The following NFE2 variants were observed in gnomAD, a reference collection of about 807,000 sequenced individuals.
The protein encoded by NFE2 is nuclear factor, erythroid 2, also known as transcription factor NF-E2 45 kDa subunit.
NFE2 carries 13 observed loss-of-function variants against 25.8 expected under a neutral mutation model. The observed-to-expected ratio is 0.50, with a 90% CI of 0.33 to 0.80. NFE2 has a LOEUF of 0.80. Ranked by LOEUF, NFE2 falls within the 30% of genes least tolerant of loss-of-function variation. NFE2 has a pLI of 0.02. For synonymous variants in NFE2, 204 were observed against 200.2 expected (o/e 1.02, Z -0.16); for missense variants, 382 against 478.9 (o/e 0.80, Z 1.89).
intron 1 of NFE2, chr12:54,295,558 A>C (rs1044361927): frequency 3.8e-6 from 1 of 263,480 alleles, no homozygotes; most frequent in Non-Finnish European, 7.4e-6. Flanking sequence ...TTTCCAGGCA[A>C]AATGCCCACT....
rs751624613 is a variant in NFE2, at chr12:54,293,154, G to A, written c.342C>T (p.Gly114=). ...GGTCTTGGAGCGGCTCACTGAGCAGGCCTGAGAGGCTCAGTGGCTTGGAGA... is the reference window on the plus strand; with the variant it reads ...GGTCTTGGAGCGGCTCACTGAGCAGACCTGAGAGGCTCAGTGGCTTGGAGA... The part of the protein sequence containing the change: ...IPVSKPLSLS[G]LLSEPLQDPL... Residue 114 remains glycine (G), a synonymous_variant, in exon 3 of 3, where the codon GGC becomes GGT. Coordinates refer to ENST00000435572, the MANE Select transcript of NFE2 (RefSeq NM_001136023.3). 1 of 1,552,846 alleles carries A rather than the reference G, an allele frequency of 6.4e-7. No homozygotes were observed. The highest frequency in any genetic ancestry group is 8.7e-7 in the Non-Finnish European group (1 of 1,147,122).
At chr12:54,294,581 G>A (rs1028586868) in intron 2 of NFE2, among the ~76,000 whole-genome samples, 2 of 152,160 alleles carry the variant, frequency 1.3e-5, no homozygotes, top group Non-Finnish European at 2.9e-5. Flanking sequence ...GAACATGCTA[G>A]AAACAAGGCC....
In NFE2 at chr12:54,295,223, C is replaced by T. The variant is rs1944360932; in HGVS notation, c.26G>A (p.Ser9Asn). 6.2e-7 allele frequency: 1 copy of T among 1,614,044 alleles called. No individual in the cohort carries two copies. The highest frequency in any genetic ancestry group is 1.3e-5 in the African/African-American group (1 of 74,930). ...GGACAGCTGTATCACCCTGTTCCTGCTCTGCTGGGGAGGACACGGGGACAT... is the reference window on the plus strand; with the variant it reads ...GGACAGCTGTATCACCCTGTTCCTGTTCTGCTGGGGAGGACACGGGGACAT... MSPCPPQQ[S>N]RNRVIQLSTS... The change falls in exon 2 of 3, where the codon AGC becomes AAC. Residue 9 changes from serine (S) to asparagine (N), a missense_variant. Physicochemically the swap from Ser to Asn is conservative, Grantham distance 46. Transcript: ENST00000435572.
intron 1 of NFE2, among the ~76,000 whole-genome samples, chr12:54,298,392 A>G (rs1194723956): frequency 6.6e-6 from 1 of 151,586 alleles, no homozygotes; most frequent in Non-Finnish European, 1.5e-5. Flanking sequence ...CTGTAATCCC[A>G]GCTACTTGGG....
At chr12:54,300,645 G>A (rs1189282010) in intron 1 of NFE2, among the ~76,000 whole-genome samples, 156 bp downstream of exon 1, 1 of 152,084 alleles carries the variant, frequency 6.6e-6, no homozygotes, top group East Asian at 1.9e-4. Flanking sequence ...TCCCAAATAT[G>A]TCAGATTCCT....
chr12:54,293,490 G>A (rs1265720848), intron 2 of NFE2, 109 bp from the exon 3 acceptor site: 1 of 1,248,764 alleles, frequency 8.0e-7, no homozygotes, highest in East Asian at 2.6e-5. Flanking sequence ...GTAGTAACAA[G>A]GAAACAAAGT....
At position 54,293,213 on chromosome 12, in the gene NFE2, G is replaced by A. The variant is rs747433280; in HGVS notation, c.283C>T (p.Pro95Ser). 30 of 1,604,040 alleles carry A rather than the reference G, an allele frequency of 1.9e-5. No individual in the cohort carries two copies. The highest frequency in any genetic ancestry group is 3.3e-4 in the Middle Eastern group (2 of 6,022). ...LPASTSHVPD[P>S]PYSYGNMAIP... is the part of the protein sequence containing the mutation. ...GCCATGTTGCCATAGGAGTATGGGG[G>A]ATCTGGGACATGGGATGTGGATGCT... Residue 95 changes from proline (P) to serine (S), a missense_variant, in exon 3 of 3, where the codon CCC (proline) becomes TCC (serine). Coordinates refer to ENST00000435572, the MANE Select transcript of NFE2 (RefSeq NM_001136023.3).
At chr12:54,298,507 CAAAAAAAAAAAA>C (rs1180692795) in intron 1 of NFE2, among the ~76,000 whole-genome samples, 1 of 35,616 alleles carries the variant, frequency 2.8e-5, no homozygotes, top group Admixed American at 2.9e-4. Flanking sequence ...AACTCCACAT[CAAAAAAAAAAAA>C]AAAAAAAAAA....
intron 1 of NFE2, among the ~76,000 whole-genome samples, chr12:54,299,821 A>C (rs190536574): frequency 6.6e-6 from 1 of 152,214 alleles, no homozygotes; most frequent in Middle Eastern, 3.4e-3. Context: ...CCAGGTGTCA[A>C]TAGGTGCAGT....
chr12:54,299,685 G>A (rs1038252549), intron 1 of NFE2, among the ~76,000 whole-genome samples: 3 of 152,148 alleles, frequency 2.0e-5, no homozygotes, highest in African/African-American at 7.2e-5. Context: ...AGGGATGATG[G>A]AGAGAGGAAT....
At chr12:54,296,847 T>C (rs1944376508) in intron 1 of NFE2, among the ~76,000 whole-genome samples, 1 of 152,128 alleles carries the variant, frequency 6.6e-6, no homozygotes, top group South Asian at 2.1e-4. Flanking sequence ...CTTGGATAGC[T>C]TAGAATTCTC....
In NFE2 at chr12:54,293,375, T is replaced by C. The variant is rs774895077; in HGVS notation, c.121A>G (p.Asn41Asp). The change falls in exon 3 of 3, where the codon AAT becomes GAT. Residue 41 changes from asparagine to aspartate, a missense_variant. By Grantham distance (23) the Asn-to-Asp change is conservative. Coordinates refer to ENST00000435572, the MANE Select transcript of NFE2 (RefSeq NM_001136023.3). ...IMSITELQGL[N>D]APSEPSFEPQ... ...TCAAATGATGGCTCACTTGGAGCAT[T>C]CAGACCCTGCAAGGAAAGACACAAA... is the stretch of plus-strand genomic sequence containing the variant. The C allele has an allele frequency of 6.7e-7, 1 of 1,496,382 alleles. No homozygotes were observed. The allele number at this position is 1,496,382 out of a possible 1,614,324, so 92.7% of individuals were successfully genotyped here.
intron 1 of NFE2, among the ~76,000 whole-genome samples, chr12:54,296,602 C>T (rs2137058907): frequency 6.6e-6 from 1 of 152,236 alleles, no homozygotes; most frequent in East Asian, 1.9e-4. Context: ...AGTCTACATT[C>T]ATCAGTTCTT....
At chr12:54,300,572 C>T (rs760642706) in intron 1 of NFE2, among the ~76,000 whole-genome samples, 1 of 152,166 alleles carries the variant, frequency 6.6e-6, no homozygotes, top group Non-Finnish European at 1.5e-5. Flanking sequence ...TCCCCATTCA[C>T]AGCCTCCACC....
intron 1 of NFE2, among the ~76,000 whole-genome samples, chr12:54,299,279 C>T (rs1427226626): frequency 1.3e-5 from 2 of 152,094 alleles, no homozygotes; most frequent in Non-Finnish European, 2.9e-5. Flanking sequence ...CAGAGGACAG[C>T]AGAGCTGGCA....
At position 54,293,310 on chromosome 12, in the gene NFE2, G is replaced by A. The variant is rs1202968343; in HGVS notation, c.186C>T (p.Pro62=). The change falls in exon 3 of 3, where the codon CCC becomes CCT. Residue 62 remains proline (P), a synonymous_variant. Transcript: ENST00000435572. The part of the protein sequence containing the change: ...APAPYLGPPP[P]TTYCPCSIHP... ...GGATTGAGCAGGGGCAGTAAGTTGT[G>A]GGTGGTGGAGGTCCAAGGTATGGAG... 3 of 1,602,614 alleles carry A rather than the reference G, an allele frequency of 1.9e-6. No homozygotes were observed. The South Asian group carries it at 3.4e-5, about 18-fold the overall frequency.
In NFE2 at chr12:54,299,362, G is replaced by A. The variant is rs557666612; in HGVS notation, c.-57+1439C>T. On this transcript the variant is annotated intron_variant, in intron 1 of 2. Transcript: ENST00000435572. Reference sequence around the variant, plus strand: ...CACCATAGAGGGTATAGAAACTGGGGAGATACTGGGAAAGTGAAGTGGGCT... The same window carrying A: ...CACCATAGAGGGTATAGAAACTGGGAAGATACTGGGAAAGTGAAGTGGGCT... 2.0e-4 allele frequency among the ~76,000 whole-genome samples: 31 copies of A among 152,196 alleles called. 1 individual carries two copies. Among genetic ancestry groups the A allele is most frequent in the Non-Finnish European group, 4.0e-4 (27 of 68,030 alleles).
chr12:54,298,507 CAAAA>C (rs1180692795), intron 1 of NFE2, among the ~76,000 whole-genome samples: 3 of 35,610 alleles, frequency 8.4e-5, no homozygotes. Flanking sequence ...AACTCCACAT[CAAAA>C]AAAAAAAAAA....
rs199698026 is a variant in NFE2, at chr12:54,293,064, G to A, written c.432C>T (p.Ser144=). Residue 144 remains serine (S), a synonymous_variant, in exon 3 of 3, where the codon TCC becomes TCT. Transcript: ENST00000435572. ...GPPKPQEDPE[S]DSGLSLNYSD... ...TATAGTTGAGGGATAATCCTGAGTCGGATTCTGGGTCTTCTTGGGGCTTAG... is the reference window on the plus strand; with the variant it reads ...TATAGTTGAGGGATAATCCTGAGTCAGATTCTGGGTCTTCTTGGGGCTTAG... 1.3e-4 allele frequency: 198 copies of A among 1,523,634 alleles called. No homozygotes were observed. In the East Asian group the frequency reaches 2.7e-3, roughly 21 times the overall value. The allele number at this position is 1,523,634 out of a possible 1,614,324, so 94.4% of individuals were successfully genotyped here.
Sources: allele counts gnomAD v4.1 joint callset (sites outside exome capture counted in the v4.1 genomes callset), GRCh38; gene constraint gnomAD v4.1.1; transcripts MANE v1.5; gene names NCBI Gene and HGNC (gene_info 2026-07-23, HGNC 2026-07-21).